The following AMDHD1 variants were observed in gnomAD, a reference collection of about 807,000 sequenced individuals.
AMDHD1 encodes the protein amidohydrolase domain containing 1.
A neutral mutation model predicts 44.1 loss-of-function variants in AMDHD1; 45 were observed. The observed-to-expected ratio is 1.02, with a 90% confidence interval of 0.80 to 1.31. The LOEUF is 1.31. Among genes scored for constraint, AMDHD1 ranks in the 50% most tolerant of loss-of-function variants. The pLI is 0.00. For missense variants in AMDHD1, 586 were observed against 552.1 expected, an observed-to-expected ratio of 1.06 and a Z score of -0.61; for synonymous variants, 206 against 205.0, an observed-to-expected ratio of 1.00 and a Z score of -0.04.
At chr12:95,964,928 C>CAAAAAAAAAAAAAAAAAAAAAAAAAAA (rs60076877) in intron 6 of AMDHD1, among the ~76,000 whole-genome samples, 1 of 35,832 alleles carries the variant, frequency 2.8e-5, no homozygotes, top group African/African-American at 1.4e-4. Flanking sequence ...ATGTTTGAGG[C>CAAAAAAAAAAAAAAAAAAAAAAAAAAA]AAAAAAAAAA....
intron 6 of AMDHD1, among the ~76,000 whole-genome samples, chr12:95,964,330 C>G (rs1322035468): frequency 1.3e-5 from 2 of 152,164 alleles, no homozygotes; most frequent in Admixed American, 1.3e-4. Flanking sequence ...TGAACCCTCT[C>G]TTGACTCTCA....
intron 4 of AMDHD1, among the ~76,000 whole-genome samples, chr12:95,957,887 T>A (rs1371778241): frequency 6.6e-6 from 1 of 152,086 alleles, no homozygotes; most frequent in Non-Finnish European, 1.5e-5. Context: ...ACCCCATCTC[T>A]ACTAAAAATA....
chr12:95,964,235 G>T (rs2136770547), intron 6 of AMDHD1, among the ~76,000 whole-genome samples: 1 of 152,094 alleles, frequency 6.6e-6, no homozygotes, highest in African/African-American at 2.4e-5. Flanking sequence ...CGAAGTGAAG[G>T]CCACACTCTG....
intron 3 of AMDHD1, among the ~76,000 whole-genome samples, chr12:95,956,239 G>C (rs2136764370): frequency 6.6e-6 from 1 of 152,320 alleles, no homozygotes. Context: ...CTCCAGAGTA[G>C]CTGGGGCTAC....
chr12:95,965,298 C>CAAAAAAAA (rs34398121), intron 6 of AMDHD1, among the ~76,000 whole-genome samples: 1 of 94,784 alleles, frequency 1.1e-5, no homozygotes, highest in Admixed American at 1.2e-4. Context: ...GATTCCATCT[C>CAAAAAAAA]AAAAAAAAAA....
chr12:95,962,716 CTTTCTT>C (rs1252266360), intron 6 of AMDHD1, among the ~76,000 whole-genome samples: 1 of 152,056 alleles, frequency 6.6e-6, no homozygotes, highest in Non-Finnish European at 1.5e-5. Flanking sequence ...GAAGATGGTG[CTTTCTT>C]TTTCTTTTTC....
rs1338270376 is a variant in AMDHD1 at position 95,960,558 on chromosome 12, G to A, written c.748G>A (p.Gly250Arg). The A allele has an allele frequency of 3.7e-6, 6 of 1,614,068 alleles. No homozygotes were observed. The African/African-American group carries it at 6.7e-5, about 18-fold the overall frequency. The part of the protein sequence containing the change: ...LDSTRRILQR[G>R]KDIGLQINFH... ...TTCCACCAGAAGGATTCTTCAACGT[G>A]GAAAAGATATAGGGTTACAGATTAA... The change falls in exon 5 of 9, where the codon GGA becomes AGA. Residue 250 changes from glycine to arginine, a missense_variant. Gly to Arg is a moderately radical substitution (Grantham distance 125, BLOSUM62 -2). Transcript: ENST00000266736.
intron 1 of AMDHD1, among the ~76,000 whole-genome samples, chr12:95,949,748 A>G (rs2080518370): frequency 2.0e-5 from 3 of 152,202 alleles, no homozygotes; most frequent in Admixed American, 2.0e-4. Context: ...AATAGTGAAA[A>G]TCTCACCATA....
chr12:95,945,486 T>C (rs1468298318), intron 1 of AMDHD1, among the ~76,000 whole-genome samples: 1 of 152,240 alleles, frequency 6.6e-6, no homozygotes, highest in East Asian at 1.9e-4. Context: ...GGAATAATTA[T>C]CTGGTTATTT....
chr12:95,944,351 A>ATTTG (rs2136755701), intron 1 of AMDHD1, among the ~76,000 whole-genome samples: 1 of 150,566 alleles, frequency 6.6e-6, no homozygotes, highest in South Asian at 2.1e-4. Flanking sequence ...TTATTTATTT[A>ATTTG]TTTATTTATT....
In AMDHD1 at chr12:95,966,439, G is replaced by A. The variant is rs2080611050; in HGVS notation, c.1124G>A (p.Gly375Glu). ...AATINAAYALGKSHTHGSLEV... is the reference protein window; with the variant it reads ...AATINAAYALEKSHTHGSLEV... ...ACCATCAATGCAGCTTATGCACTGG[G>A]AAAGTCTCACACACACGGATCGTTG... is the stretch of plus-strand genomic sequence containing the variant. Residue 375 changes from glycine to glutamate, a missense_variant, in exon 8 of 9, where the codon GGA becomes GAA. By Grantham distance (98) the Gly-to-Glu change is moderately conservative. Coordinates refer to ENST00000266736, the MANE Select transcript of AMDHD1 (RefSeq NM_152435.3). 1 of 1,614,244 alleles carries A rather than the reference G, an allele frequency of 6.2e-7. No individual in the cohort carries two copies. The highest frequency in any genetic ancestry group is 1.3e-5 in the African/African-American group (1 of 75,060).
rs778625887 is a variant in AMDHD1, at chr12:95,962,352, T to C, written c.814-3T>C. The C allele has an allele frequency of 1.5e-5, 24 of 1,611,764 alleles. No homozygotes were observed. The highest frequency in any genetic ancestry group is 1.6e-5 in the Non-Finnish European group (19 of 1,178,674). Reference sequence around the variant, plus strand: ...TCTTTCCCTCTCTGCCCATTCTCCTTAGCTTGGGGCTGAACTGGGAGCGCA... The same window carrying C: ...TCTTTCCCTCTCTGCCCATTCTCCTCAGCTTGGGGCTGAACTGGGAGCGCA... On this transcript the variant is annotated splice_polypyrimidine_tract_variant and splice_region_variant and intron_variant, in intron 5 of 8. Transcript: ENST00000266736.
At chr12:95,957,682 C>T (rs1339774583) in intron 4 of AMDHD1, among the ~76,000 whole-genome samples, 2 of 152,202 alleles carry the variant, frequency 1.3e-5, no homozygotes, top group Non-Finnish European at 2.9e-5. Flanking sequence ...ATACTACAGA[C>T]TTACAATCAT....
intron 4 of AMDHD1, 129 bp downstream of exon 4, chr12:95,957,091 ATGGCCACTCATCCCGCAGAC>A: frequency 1.6e-6 from 2 of 1,267,146 alleles, no homozygotes; most frequent in Non-Finnish European, 2.2e-6. Flanking sequence ...CCTGATTCTA[ATGGCCACTCATCCCGCAGAC>A]TCGGTTTTAG....
rs768472516 is a variant in AMDHD1, at chr12:95,966,468, G to T, written c.1153G>T (p.Val385Phe). Residue 385 changes from valine to phenylalanine, a missense_variant, in exon 8 of 9, where the codon GTT becomes TTT. Coordinates refer to ENST00000266736, the MANE Select transcript of AMDHD1 (RefSeq NM_152435.3). ...GKSHTHGSLEVGKQGDLIIIN... is the reference protein window; with the variant it reads ...GKSHTHGSLEFGKQGDLIIIN... ...GTCTCACACACACGGATCGTTGGAA[G>T]TTGGCAAACAGGGAGATCTCATTAT... 11 of 1,614,142 alleles carry T rather than the reference G, an allele frequency of 6.8e-6. No homozygotes were observed. The Admixed American group carries it at 1.7e-4, about 24-fold the overall frequency.
rs572290731 is a variant in AMDHD1, at chr12:95,960,373, A to T, written c.588-25A>T. The T allele has an allele frequency of 4.7e-5, 75 of 1,603,258 alleles. 1 individual carries two copies. The highest frequency in any genetic ancestry group is 1.9e-5 in the Non-Finnish European group (22 of 1,172,072). On this transcript the variant is annotated intron_variant, in intron 4 of 8. Transcript: ENST00000266736. ...TGTGTTTTGTTTTTAATATTTGCCC[A>T]TGGCAATCTCATTTTCTTCCCCAGA...
intron 1 of AMDHD1, among the ~76,000 whole-genome samples, chr12:95,944,133 G>T (rs2080481077): frequency 6.6e-6 from 1 of 152,088 alleles, no homozygotes; most frequent in African/African-American, 2.4e-5. Context: ...CTTCCTGCCA[G>T]ATATGAATAA....
intron 4 of AMDHD1, among the ~76,000 whole-genome samples, chr12:95,959,267 G>A (rs983406268): frequency 8.1e-4 from 123 of 152,134 alleles, no homozygotes; most frequent in African/African-American, 2.8e-3. Context: ...CATTGGTAAA[G>A]CCTGAGCTCA....
In AMDHD1 at chr12:95,966,514, T is replaced by A. The variant is rs749376288; in HGVS notation, c.1193+6T>A. 1.1e-5 allele frequency: 17 copies of A among 1,613,980 alleles called. 1 individual carries two copies. In the East Asian group the frequency reaches 3.1e-4, roughly 30 times the overall value. On this transcript the variant is annotated splice_donor_region_variant and intron_variant, in intron 8 of 8. Transcript: ENST00000266736. ...ATTATCATCAATTCATCCCGGTGAG[T>A]GTGCTTCAACTTAGCTCTTTTATAT...
Sources: gnomAD v4.1 joint callset for allele counts (sites outside exome capture counted in the v4.1 genomes callset) on GRCh38, gnomAD v4.1.1 for gene constraint, MANE v1.5 for transcripts, NCBI Gene and HGNC (gene_info 2026-07-23, HGNC 2026-07-21) for gene names.